SRGAP2C: variants seen among roughly 807,000 people sequenced by gnomAD.
SRGAP2C encodes the protein SLIT-ROBO Rho GTPase activating protein 2C.
SRGAP2C carries 15 observed loss-of-function variants against 25.1 expected under a neutral mutation model. The ratio of observed to expected loss-of-function variants is 0.60; its 90% CI spans 0.40 to 0.92. The LOEUF (loss-of-function observed/expected upper bound fraction) is 0.92, where lower values mean the gene tolerates loss of function less well. Ranked by LOEUF, SRGAP2C falls within the 40% of genes least tolerant of loss-of-function variation. SRGAP2C has a pLI of 0.00. For missense variants in SRGAP2C, 144 were observed against 264.4 expected, an observed-to-expected ratio of 0.54 and a Z score of 3.16; for synonymous variants, 44 against 96.6, an observed-to-expected ratio of 0.46 and a Z score of 3.19.
intron 2 of SRGAP2C, among the ~76,000 whole-genome samples, chr1:121,272,486 G>T (rs1246740579): frequency 6.6e-6 from 1 of 151,662 alleles, no homozygotes; most frequent in Non-Finnish European, 1.5e-5. Context: ...CCTTCAAGAA[G>T]AAATGGTAAA....
At position 121,373,117 on chromosome 1, in the gene SRGAP2C, T is replaced by C. The variant is rs1481211417; in HGVS notation, c.487-854T>C. Among the ~76,000 whole-genome samples the C allele has an allele frequency of 5.8e-5, 2 of 34,518 alleles. 1 individual carries two copies. The highest frequency in any genetic ancestry group is 1.1e-4 in the Non-Finnish European group (2 of 18,650). The allele number at this position is 34,518 out of a possible 152,430, so 22.6% of individuals were successfully genotyped here. On this transcript the variant is annotated intron_variant, in intron 5 of 9. Transcript: ENST00000367123. ...TGGCTTCCCTGTTAAGAGAAAGGAT[T>C]GGACTCCTAGATGGTTGCTTTGATG...
intron 1 of SRGAP2C, among the ~76,000 whole-genome samples, chr1:121,186,646 C>T (rs1290354209): frequency 6.6e-6 from 1 of 151,628 alleles, no homozygotes; most frequent in Non-Finnish European, 1.5e-5. Flanking sequence ...CATTCCCCGC[C>T]CGGTGCCCCG....
chr1:121,374,593 T>G (rs1409146869), intron 6 of SRGAP2C, among the ~76,000 whole-genome samples: 1 of 152,160 alleles, frequency 6.6e-6, no homozygotes, highest in Non-Finnish European at 1.5e-5. Context: ...TATTTGAAGA[T>G]AGAATCAAAG....
At position 121,391,253 on chromosome 1, in the gene SRGAP2C, GA is replaced by G. The variant is rs1329989107; in HGVS notation, c.*3399del. On this transcript the variant is annotated 3_prime_UTR_variant, in exon 10 of 10. Transcript: ENST00000367123. ...GCGCATGCCTCATTCACGTACATGGGAGAGTCTACAAAGTCACACGTATTCA... is the reference window on the plus strand; with the variant it reads ...GCGCATGCCTCATTCACGTACATGGGGAGTCTACAAAGTCACACGTATTCA... 3 of 151,650 alleles carry G rather than the reference GA, an allele frequency of 2.0e-5. No homozygotes were observed. Among genetic ancestry groups the G allele is most frequent in the African/African-American group, 7.3e-5 (3 of 41,270 alleles). The allele number at this position is 151,650 out of a possible 1,614,324, so 9.4% of individuals were successfully genotyped here.
At chr1:121,236,635 G>A (rs587610231) in intron 2 of SRGAP2C, among the ~76,000 whole-genome samples, 2 of 152,104 alleles carry the variant, frequency 1.3e-5, no homozygotes, top group African/African-American at 4.8e-5. Flanking sequence ...TGCTTCCTGG[G>A]TTCTAAAGAA....
chr1:121,207,646 T>G (rs1279032138), intron 2 of SRGAP2C, among the ~76,000 whole-genome samples: 3 of 152,190 alleles, frequency 2.0e-5, no homozygotes, highest in Non-Finnish European at 4.4e-5. Flanking sequence ...AGATTTTGAT[T>G]GTAGGATATG....
chr1:121,367,882 G>T (rs1274152310), intron 5 of SRGAP2C, among the ~76,000 whole-genome samples: 3 of 142,338 alleles, frequency 2.1e-5, no homozygotes, highest in Non-Finnish European at 4.5e-5. Flanking sequence ...AGACCATCCT[G>T]GCTAACACGG....
At chr1:121,270,016 T>G (rs1489737938) in intron 2 of SRGAP2C, among the ~76,000 whole-genome samples, 1 of 150,204 alleles carries the variant, frequency 6.7e-6, no homozygotes, top group Non-Finnish European at 1.5e-5. Context: ...CATGCTCCCA[T>G]TTTTTGGTCT....
chr1:121,269,923 ATC>A (rs1656898895), intron 2 of SRGAP2C, among the ~76,000 whole-genome samples: 1 of 151,278 alleles, frequency 6.6e-6, no homozygotes, highest in East Asian at 1.9e-4. Context: ...TACTCTTCCT[ATC>A]TCTCAATTTT....
In SRGAP2C at chr1:121,365,395, G is replaced by C; in HGVS notation, c.486+40G>C. ...TTGCTTGGCTCTTTAACAAGCAGAG[G>C]GAAGCAGCATTTGGCAGCTTGCAGC... On this transcript the variant is annotated intron_variant, in intron 5 of 9. Coordinates refer to ENST00000367123, the MANE Select transcript of SRGAP2C (RefSeq NM_001329984.2). 1.0e-5 allele frequency: 4 copies of C among 396,614 alleles called. 2 individuals are homozygous for C. Among genetic ancestry groups the C allele is most frequent in the Non-Finnish European group, 8.8e-6 (2 of 226,382 alleles). 24.6% of individuals were successfully genotyped at this position (396,614 alleles called of 1,614,324 possible). A position where few individuals can be genotyped will look rare whatever the true frequency, so the allele number is the denominator to read the frequency against.
intron 3 of SRGAP2C, among the ~76,000 whole-genome samples, chr1:121,317,080 C>T (rs1316304722): frequency 9.0e-6 from 1 of 110,722 alleles, no homozygotes; most frequent in African/African-American, 3.3e-5. Context: ...ACACAAGCCA[C>T]AAGACCAGGA....
At chr1:121,350,769 C>T (rs1156649972) in intron 4 of SRGAP2C, among the ~76,000 whole-genome samples, 1 of 151,374 alleles carries the variant, frequency 6.6e-6, no homozygotes, top group African/African-American at 2.4e-5. Flanking sequence ...AGTCAGAAAC[C>T]TCTGTGTTTG....
chr1:121,275,636 C>T (rs1657089946), intron 2 of SRGAP2C, among the ~76,000 whole-genome samples: 1 of 150,594 alleles, frequency 6.6e-6, no homozygotes, highest in Non-Finnish European at 1.5e-5. Flanking sequence ...CCAAAGTAGT[C>T]ACGATGATAT....
intron 2 of SRGAP2C, among the ~76,000 whole-genome samples, chr1:121,263,356 G>A (rs1398194598): frequency 1.3e-5 from 2 of 148,958 alleles, no homozygotes; most frequent in Non-Finnish European, 3.0e-5. Context: ...ACTTGAACCC[G>A]GGAGGCGGTG....
rs587651948 is a variant in SRGAP2C at position 121,226,087 on chromosome 1, G to A, written c.67+38574G>A. On this transcript the variant is annotated intron_variant, in intron 2 of 9. Transcript: ENST00000367123. ...TGAAATGGTGGTATTACCTCCAAGC[G>A]AACTTTATGAAAGGGATCGGGTCTG... Among the ~76,000 whole-genome samples, 940 of 151,950 alleles carry A rather than the reference G, an allele frequency of 6.2e-3. 7 individuals carry two copies. Among genetic ancestry groups the A allele is most frequent in the African/African-American group, 0.021 (882 of 41,388 alleles).
At chr1:121,315,246 C>T (rs1379829980) in intron 3 of SRGAP2C, among the ~76,000 whole-genome samples, 3 of 152,042 alleles carry the variant, frequency 2.0e-5, no homozygotes, top group Non-Finnish European at 2.9e-5. Context: ...TGGGCTCACG[C>T]GATCTTCCCA....
At chr1:121,229,577 C>T (rs1404038068) in intron 2 of SRGAP2C, among the ~76,000 whole-genome samples, 1 of 151,940 alleles carries the variant, frequency 6.6e-6, no homozygotes, top group African/African-American at 2.4e-5. Flanking sequence ...AGCCCATTGG[C>T]TTCTCGTATA....
At position 121,389,179 on chromosome 1, in the gene SRGAP2C, A is replaced by G. The variant is rs1460166645; in HGVS notation, c.*1324A>G. 2 of 152,172 alleles carry G rather than the reference A, an allele frequency of 1.3e-5. No individual in the cohort carries two copies. Among genetic ancestry groups the G allele is most frequent in the African/African-American group, 2.4e-5 (1 of 41,458 alleles). The allele number at this position is 152,172 out of a possible 1,614,324, so 9.4% of individuals were successfully genotyped here. On this transcript the variant is annotated 3_prime_UTR_variant, in exon 10 of 10. Transcript: ENST00000367123. ...TTATGAGTAAAATATTAAAACCTAT[A>G]CAAAAAAATAACAGAATGGCATTTT...
chr1:121,315,148 AT>A (rs1658068444), intron 3 of SRGAP2C: 1 of 386,954 alleles, frequency 2.6e-6, no homozygotes, highest in Non-Finnish European at 4.9e-6. Context: ...CTCCGTCTCT[AT>A]TTATTTATTT....
Sources: gnomAD v4.1 joint callset for allele counts (sites outside exome capture counted in the v4.1 genomes callset) on GRCh38, gnomAD v4.1.1 for gene constraint, MANE v1.5 for transcripts, NCBI Gene and HGNC (gene_info 2026-07-23, HGNC 2026-07-21) for gene names.